The following CYP39A1 variants were observed in gnomAD, a reference collection of about 807,000 sequenced individuals.
CYP39A1 encodes 24-hydroxycholesterol 7-alpha-hydroxylase.
Under a neutral mutation model 58.1 loss-of-function variants are expected in CYP39A1, and 49 were observed. The observed-to-expected ratio is 0.84, with a 90% CI of 0.67 to 1.07. The LOEUF (loss-of-function observed/expected upper bound fraction) is 1.07. Ranked by LOEUF, CYP39A1 falls within the 50% of genes least tolerant of loss-of-function variation. The pLI is 0.00. For missense variants in CYP39A1, 531 were observed against 539.4 expected, an observed-to-expected ratio of 0.98 and a Z score of 0.16; for synonymous variants, 209 against 187.6, an observed-to-expected ratio of 1.11 and a Z score of -0.93.
Position 46,550,002 on chromosome 6 carries a change from C to A in CYP39A1, c.*364G>T. 6.0e-6 allele frequency: 1 copy of A among 165,428 alleles called. No individual in the cohort carries two copies. Among genetic ancestry groups the A allele is most frequent in the Non-Finnish European group, 1.3e-5 (1 of 76,904 alleles). The allele number at this position is 165,428 out of a possible 1,614,324, so 10.2% of individuals were successfully genotyped here. ...TTTTCAAAATAAAAATTTAAGTATG[C>A]TGCCTTCACAGTGAATTTAATGTGA... On this transcript the variant is annotated 3_prime_UTR_variant, in exon 12 of 12. Coordinates refer to ENST00000275016, the MANE Select transcript of CYP39A1 (RefSeq NM_016593.5).
chr6:46,614,838 G>C (rs1249460440), intron 7 of CYP39A1, among the ~76,000 whole-genome samples: 2 of 152,126 alleles, frequency 1.3e-5, no homozygotes, highest in East Asian at 3.9e-4. Flanking sequence ...CAGGAATCTT[G>C]CTCCAAATCA....
In CYP39A1 at chr6:46,642,166, T is replaced by A. The variant is rs1197420064; in HGVS notation, c.310A>T (p.Thr104Ser). ...ELAVQNIVYRTASIPKNVFLA... is the reference protein window; with the variant it reads ...ELAVQNIVYRSASIPKNVFLA... ...ACTATCTGAAAATATTCTTTACCTG[T>A]ACGATAAACGATATTTTGCACTGCT... The change falls in exon 2 of 12, where the codon ACA becomes TCA. Residue 104 changes from threonine (T) to serine (S), a missense_variant. Transcript: ENST00000275016. 1 of 1,612,662 alleles carries A rather than the reference T, an allele frequency of 6.2e-7. No individual in the cohort carries two copies. The highest frequency in any genetic ancestry group is 1.3e-5 in the African/African-American group (1 of 74,974).
At chr6:46,617,369 C>G (rs1277653735) in intron 7 of CYP39A1, among the ~76,000 whole-genome samples, 1 of 151,894 alleles carries the variant, frequency 6.6e-6, no homozygotes, top group Non-Finnish European at 1.5e-5. Flanking sequence ...AGTGGGTATT[C>G]CAAAGTCTAC....
intron 10 of CYP39A1, among the ~76,000 whole-genome samples, chr6:46,562,142 C>T (rs1219798823): frequency 6.6e-6 from 1 of 152,106 alleles, no homozygotes; most frequent in East Asian, 1.9e-4. Flanking sequence ...CCTCCCTCAG[C>T]CTCCTGAGTA....
chr6:46,600,462 G>C (rs993086401), intron 7 of CYP39A1, among the ~76,000 whole-genome samples: 1 of 152,002 alleles, frequency 6.6e-6, no homozygotes, highest in Non-Finnish European at 1.5e-5. Context: ...CTAATGAAGT[G>C]ACTCTTGGAA....
intron 7 of CYP39A1, among the ~76,000 whole-genome samples, chr6:46,622,132 A>C (rs1276201011): frequency 6.6e-6 from 1 of 152,124 alleles, no homozygotes; most frequent in East Asian, 1.9e-4. Flanking sequence ...CAAATGTGTC[A>C]GGACAATAAG....
Position 46,629,750 on chromosome 6 carries a change from G to A in CYP39A1, c.840+1213C>T, listed in dbSNP as rs1775533722. Reference sequence around the variant, plus strand: ...AAAAATGCCCACACATATCATCATGGATAGGTTAAATCCTCCTGTTTAGTA... The same window carrying A: ...AAAAATGCCCACACATATCATCATGAATAGGTTAAATCCTCCTGTTTAGTA... On this transcript the variant is annotated intron_variant, in intron 6 of 11. Transcript: ENST00000275016. Among the ~76,000 whole-genome samples the A allele has an allele frequency of 2.0e-5, 3 of 152,254 alleles. No homozygotes were observed. In the South Asian group the frequency reaches 6.2e-4, roughly 32 times the overall value.
chr6:46,592,210 G>A (rs1284464140), intron 8 of CYP39A1, among the ~76,000 whole-genome samples: 1 of 152,098 alleles, frequency 6.6e-6, no homozygotes, highest in African/African-American at 2.4e-5. Context: ...AGCAAACAAA[G>A]AGAGCCTGTT....
intron 10 of CYP39A1, among the ~76,000 whole-genome samples, chr6:46,554,493 C>T (rs995946): frequency 0.032 from 4,869 of 152,260 alleles, 108 homozygotes; most frequent in Non-Finnish European, 0.049. Context: ...TGATCACACA[C>T]TCTTGATAAT....
chr6:46,551,649 A>G (rs1770401206), intron 11 of CYP39A1, among the ~76,000 whole-genome samples: 1 of 152,138 alleles, frequency 6.6e-6, no homozygotes, highest in Admixed American at 6.6e-5. Context: ...AAAATTGGAG[A>G]TTCTAGCATT....
intron 10 of CYP39A1, among the ~76,000 whole-genome samples, chr6:46,579,626 A>G (rs1437136552): frequency 6.6e-6 from 1 of 152,152 alleles, no homozygotes; most frequent in East Asian, 1.9e-4. Context: ...TCTGTCCCAA[A>G]TCTCCTAAAA....
intron 6 of CYP39A1, among the ~76,000 whole-genome samples, chr6:46,630,424 T>G (rs1307926144): frequency 1.3e-5 from 2 of 152,140 alleles, no homozygotes; most frequent in Non-Finnish European, 2.9e-5. Context: ...TCACATACAT[T>G]ATCCCTTTTT....
At chr6:46,638,005 T>C in intron 3 of CYP39A1, 27 bp from the exon 4 acceptor site, 1 of 1,579,270 alleles carries the variant, frequency 6.3e-7, no homozygotes, top group Non-Finnish European at 8.5e-7. Flanking sequence ...ACACAAAAAG[T>C]CAGACCCGAA....
chr6:46,602,809 AT>A (rs1250017285), intron 7 of CYP39A1, among the ~76,000 whole-genome samples: 2 of 151,100 alleles, frequency 1.3e-5, no homozygotes, highest in Admixed American at 6.6e-5. Context: ...CAATTTTTAA[AT>A]TATCTTTTCT....
At chr6:46,623,060 A>C (rs991944480) in intron 7 of CYP39A1, among the ~76,000 whole-genome samples, 2 of 152,224 alleles carry the variant, frequency 1.3e-5, no homozygotes, top group African/African-American at 2.4e-5. Context: ...AATTCATAAA[A>C]GACTTTCCCA....
chr6:46,607,745 G>A (rs146860697), intron 7 of CYP39A1, among the ~76,000 whole-genome samples: 1 of 152,138 alleles, frequency 6.6e-6, no homozygotes, highest in East Asian at 1.9e-4. Context: ...GCTTCTCCAA[G>A]AATGAAAATC....
At position 46,626,987 on chromosome 6, in the gene CYP39A1, C is replaced by T. The variant is rs146276631; in HGVS notation, c.841-1479G>A. Among the ~76,000 whole-genome samples, 366 of 152,262 alleles carry T rather than the reference C, an allele frequency of 2.4e-3. 2 individuals are homozygous for T. Among genetic ancestry groups the T allele is most frequent in the African/African-American group, 8.3e-3 (344 of 41,556 alleles). The stretch of plus-strand genomic sequence containing the variant: ...TTATAAACAAAAGAGGTTCAACTGA[C>T]TCACAGTTCTGCATGGGTGGGGAGG... On this transcript the variant is annotated intron_variant, in intron 6 of 11. Coordinates refer to ENST00000275016, the MANE Select transcript of CYP39A1 (RefSeq NM_016593.5).
chr6:46,620,625 T>C (rs7450391), intron 7 of CYP39A1, among the ~76,000 whole-genome samples: 29,005 of 152,032 alleles, frequency 0.19, 2,969 homozygotes, highest in African/African-American at 0.27. Context: ...AGGAAAGACA[T>C]GAGAAGGCCA....
chr6:46,639,742 T>G, intron 2 of CYP39A1, 74 bp from the exon 3 acceptor site: 3 of 1,328,904 alleles, frequency 2.3e-6, no homozygotes, highest in Non-Finnish European at 3.1e-6. Flanking sequence ...TATCTACTAT[T>G]ATTTGGTCAG....
Sources: allele counts gnomAD v4.1 joint callset (sites outside exome capture counted in the v4.1 genomes callset), GRCh38; gene constraint gnomAD v4.1.1; transcripts MANE v1.5; gene names NCBI Gene and HGNC (gene_info 2026-07-23, HGNC 2026-07-21).